Variants in ADAMTS17 observed in about 807,000 individuals in gnomAD.
The protein encoded by ADAMTS17 is ADAM metallopeptidase with thrombospondin type 1 motif 17, also known as A disintegrin and metalloproteinase with thrombospondin motifs 17.
Under a neutral mutation model 141.5 loss-of-function variants are expected in ADAMTS17, and 113 were observed. That is an observed-to-expected ratio of 0.80 (90% CI 0.69 to 0.93). The LOEUF is 0.93. Among genes scored for constraint, ADAMTS17 ranks in the 40% least tolerant of loss-of-function variants. ADAMTS17 has a pLI of 0.00. For missense variants in ADAMTS17, 1,659 were observed against 1,517.9 expected (o/e 1.09, Z -1.54); for synonymous variants, 768 against 630.6 (o/e 1.22, Z -3.27).
At chr15:100,332,762 G>T (rs2046094174) in intron 2 of ADAMTS17, among the ~76,000 whole-genome samples, 1 of 152,200 alleles carries the variant, frequency 6.6e-6, no homozygotes, top group Non-Finnish European at 1.5e-5. Context: ...GCCCCCATGT[G>T]CTGGTTTCTA....
chr15:100,215,653 C>G (rs1330830944), intron 7 of ADAMTS17, among the ~76,000 whole-genome samples: 1 of 152,102 alleles, frequency 6.6e-6, no homozygotes, highest in Non-Finnish European at 1.5e-5. Flanking sequence ...TCAGCAGACC[C>G]TGGAGTGCCC....
chr15:100,341,253 C>A lies in ADAMTS17; in HGVS notation c.236G>T (p.Arg79Leu). Residue 79 changes from arginine to leucine, a missense_variant, in exon 2 of 22, where the codon CGC becomes CTC. Physicochemically the swap from Arg to Leu is moderately radical, Grantham distance 102 (BLOSUM62 -2). Transcript: ENST00000268070. ...PAAPRARPGE[R>L]ALLLHLPAFG... is the part of the protein sequence containing the mutation. ...GGCCGGCAGGTGCAGCAGCAGGGCGCGCTCTCCGGGCCGGGCGCGCGGGGC... is the reference window on the plus strand; with the variant it reads ...GGCCGGCAGGTGCAGCAGCAGGGCGAGCTCTCCGGGCCGGGCGCGCGGGGC... 3 of 1,348,646 alleles carry A rather than the reference C, an allele frequency of 2.2e-6. No homozygotes were observed. The highest frequency in any genetic ancestry group is 2.9e-6 in the Non-Finnish European group (3 of 1,047,506). 83.5% of individuals were successfully genotyped at this position (1,348,646 alleles called of 1,614,324 possible). A position where few individuals can be genotyped will look rare whatever the true frequency, so the allele number is the denominator to read the frequency against.
intron 3 of ADAMTS17, among the ~76,000 whole-genome samples, chr15:100,324,712 CCT>C (rs1457147623): frequency 6.6e-6 from 1 of 152,080 alleles, no homozygotes; most frequent in Non-Finnish European, 1.5e-5. Context: ...CTCTGCAGGC[CCT>C]CTCTCTCCCT....
intron 8 of ADAMTS17, among the ~76,000 whole-genome samples, chr15:100,159,098 T>C (rs555607715): frequency 6.6e-6 from 1 of 152,314 alleles, no homozygotes; most frequent in African/African-American, 2.4e-5. Flanking sequence ...AACTACTGCA[T>C]GATCCAACAA....
chr15:100,095,562 T>G (rs974692708), intron 15 of ADAMTS17, among the ~76,000 whole-genome samples: 4 of 152,160 alleles, frequency 2.6e-5, no homozygotes, highest in Non-Finnish European at 5.9e-5. Context: ...CTCAGCTTCT[T>G]CCTCCCAACA....
At position 100,054,007 on chromosome 15, in the gene ADAMTS17, C is replaced by T. The variant is rs199695601; in HGVS notation, c.2185G>A (p.Glu729Lys). The T allele has an allele frequency of 8.1e-6, 13 of 1,614,072 alleles. No homozygotes were observed. Among genetic ancestry groups the T allele is most frequent in the Non-Finnish European group, 1.1e-5 (13 of 1,180,034 alleles). ...KGSINSDWKI[E>K]LPGEFQIAGT... Reference sequence around the variant, plus strand: ...GCAATCTGGAACTCTCCGGGGAGCTCTATCTTCCAGTCACTGTTGATGGAC... The same window carrying T: ...GCAATCTGGAACTCTCCGGGGAGCTTTATCTTCCAGTCACTGTTGATGGAC... Residue 729 changes from glutamate to lysine, a missense_variant, in exon 16 of 22, where the codon GAG becomes AAG. Transcript: ENST00000268070.
chr15:100,209,764 T>C (rs1004372609), intron 7 of ADAMTS17, among the ~76,000 whole-genome samples: 2 of 152,092 alleles, frequency 1.3e-5, no homozygotes, highest in Admixed American at 6.5e-5. Flanking sequence ...TGGCAGAAAG[T>C]GGATGGTACC....
chr15:100,222,866 G>C (rs569293477), intron 7 of ADAMTS17, among the ~76,000 whole-genome samples: 2 of 147,824 alleles, frequency 1.4e-5, no homozygotes, highest in Admixed American at 6.7e-5. Context: ...GAAGCCTAAG[G>C]GGGAGGCAGG....
At chr15:100,242,983 T>A (rs921466598) in intron 7 of ADAMTS17, among the ~76,000 whole-genome samples, 1 of 152,216 alleles carries the variant, frequency 6.6e-6, no homozygotes, top group African/African-American at 2.4e-5. Flanking sequence ...AAATTCCCCA[T>A]GACCGCGTTC....
chr15:100,088,892 G>A (rs2035274372), intron 15 of ADAMTS17, among the ~76,000 whole-genome samples: 1 of 152,104 alleles, frequency 6.6e-6, no homozygotes, highest in Non-Finnish European at 1.5e-5. Context: ...AACCCTAGAA[G>A]AAAACCTAGT....
intron 8 of ADAMTS17, among the ~76,000 whole-genome samples, chr15:100,164,771 C>A (rs1012246889): frequency 1.3e-5 from 2 of 152,144 alleles, no homozygotes; most frequent in East Asian, 1.9e-4. Flanking sequence ...GAGAACAACA[C>A]GTCTGTTCTA....
intron 8 of ADAMTS17, among the ~76,000 whole-genome samples, chr15:100,173,222 C>A (rs375946626): frequency 6.6e-6 from 1 of 152,002 alleles, no homozygotes; most frequent in Non-Finnish European, 1.5e-5. Flanking sequence ...TCTTTTCCCC[C>A]ACTCCCTACT....
At chr15:100,106,939 A>C (rs572167660) in intron 14 of ADAMTS17, among the ~76,000 whole-genome samples, 3 of 152,208 alleles carry the variant, frequency 2.0e-5, no homozygotes, top group Non-Finnish European at 4.4e-5. Context: ...TCAACCACTC[A>C]TCACTGCCTC....
At chr15:99,988,742 G>T (rs975816645) in intron 20 of ADAMTS17, among the ~76,000 whole-genome samples, 1 of 152,218 alleles carries the variant, frequency 6.6e-6, no homozygotes, top group Non-Finnish European at 1.5e-5. Flanking sequence ...TACCTGACAG[G>T]CATTCCCGGA....
At chr15:100,281,816 G>T (rs550481362) in intron 3 of ADAMTS17, among the ~76,000 whole-genome samples, 1 of 152,326 alleles carries the variant, frequency 6.6e-6, no homozygotes, top group East Asian at 1.9e-4. Flanking sequence ...GCTGGGCAGA[G>T]GGGACAGGAC....
intron 2 of ADAMTS17, among the ~76,000 whole-genome samples, chr15:100,334,000 A>G (rs942966067): frequency 7.2e-5 from 11 of 152,254 alleles, no homozygotes; most frequent in Admixed American, 2.6e-4. Flanking sequence ...ATGCTATACT[A>G]TAAGTGTGGC....
intron 7 of ADAMTS17, among the ~76,000 whole-genome samples, chr15:100,237,545 G>C (rs2042696575): frequency 1.3e-5 from 2 of 152,216 alleles, no homozygotes; most frequent in Non-Finnish European, 2.9e-5. Flanking sequence ...GGACTCGATG[G>C]GCAAGCCTCA....
At chr15:100,246,333 T>G (rs540365062) in intron 7 of ADAMTS17, among the ~76,000 whole-genome samples, 8 of 152,166 alleles carry the variant, frequency 5.3e-5, no homozygotes, top group Non-Finnish European at 7.4e-5. Flanking sequence ...TTTAATACTA[T>G]GATGAAAATG....
intron 7 of ADAMTS17, among the ~76,000 whole-genome samples, chr15:100,237,478 T>C (rs2042694405): frequency 6.6e-6 from 1 of 152,122 alleles, no homozygotes; most frequent in African/African-American, 2.4e-5. Flanking sequence ...CATGATGTCC[T>C]GGGGCAGGCT....
Sources: gnomAD v4.1 joint callset for allele counts (sites outside exome capture counted in the v4.1 genomes callset) on GRCh38, gnomAD v4.1.1 for gene constraint, MANE v1.5 for transcripts, NCBI Gene and HGNC (gene_info 2026-07-23, HGNC 2026-07-21) for gene names.